The following SIN3B variants were observed in gnomAD, a reference collection of about 807,000 sequenced individuals.
The protein encoded by SIN3B is SIN3 transcription regulator family member B.
In SIN3B, 19 loss-of-function variants were observed where a neutral mutation model predicts 120.2. That is an observed-to-expected ratio of 0.16 (90% CI 0.11 to 0.23). The LOEUF (loss-of-function observed/expected upper bound fraction) is 0.23. Ranked by LOEUF, SIN3B falls within the 10% of genes least tolerant of loss-of-function variation. The pLI, the probability that SIN3B is intolerant of heterozygous loss-of-function variation, is 1.00. For synonymous variants in SIN3B, 654 were observed against 653.2 expected, an observed-to-expected ratio of 1.00 and a Z score of -0.02; for missense variants, 1,073 against 1,573.0, an observed-to-expected ratio of 0.68 and a Z score of 5.38.
chr19:16,856,240 G>A (rs1200292376), intron 8 of SIN3B, among the ~76,000 whole-genome samples: 1 of 152,112 alleles, frequency 6.6e-6, no homozygotes, highest in Non-Finnish European at 1.5e-5. Flanking sequence ...TCACAGGAGT[G>A]TGCGCGGTAG....
In SIN3B at chr19:16,876,904, G is replaced by A. The variant is rs745357529; in HGVS notation, c.2859+326G>A. 5.5e-5 allele frequency: 16 copies of A among 292,608 alleles called. No individual in the cohort carries two copies. The highest frequency in any genetic ancestry group is 9.0e-5 in the Non-Finnish European group (14 of 155,262). The allele number at this position is 292,608 out of a possible 1,614,324, so 18.1% of individuals were successfully genotyped here. ...CGTGGCTGTGACCTCTGCACCTCTT[G>A]TGTCAGGGCTGCATCCTGTTCCTAA... On this transcript the variant is annotated intron_variant, in intron 16 of 18. Coordinates refer to ENST00000248054, the MANE Select transcript of SIN3B (RefSeq NM_001297595.2). The surrounding 1 kb of genome is among the most constrained non-coding windows in gnomAD (Gnocchi z 7.1).
intron 8 of SIN3B, among the ~76,000 whole-genome samples, chr19:16,857,015 C>T (rs1418703627): frequency 6.6e-6 from 1 of 152,172 alleles, no homozygotes; most frequent in Admixed American, 6.5e-5. Flanking sequence ...CCCAAGATAA[C>T]TTTGCCATGA....
intron 9 of SIN3B, chr19:16,863,042 G>A: frequency 8.1e-7 from 1 of 1,231,304 alleles, no homozygotes; most frequent in South Asian, 1.2e-5. Context: ...AAGTTTTACT[G>A]TCACACAGAC....
At chr19:16,848,796 C>T (rs111981792) in intron 5 of SIN3B, among the ~76,000 whole-genome samples, 4,183 of 152,318 alleles carry the variant, frequency 0.027, 97 homozygotes, top group South Asian at 0.079. Flanking sequence ...CCACTGCGCC[C>T]GGCCTACTTT....
At chr19:16,853,300 C>T in intron 7 of SIN3B, 142 bp downstream of exon 7, 2 of 707,382 alleles carry the variant, frequency 2.8e-6, no homozygotes, top group East Asian at 2.7e-5. Context: ...GGCTGGCCCC[C>T]AGCTTTCACT....
At chr19:16,852,542 C>T (rs755807113) in intron 6 of SIN3B, among the ~76,000 whole-genome samples, 2 of 152,244 alleles carry the variant, frequency 1.3e-5, no homozygotes, top group Non-Finnish European at 2.9e-5. Flanking sequence ...TCCCTGCACC[C>T]AGCTCATCCT....
intron 14 of SIN3B, among the ~76,000 whole-genome samples, chr19:16,872,841 G>A (rs999607596): frequency 6.6e-6 from 1 of 152,222 alleles, no homozygotes; most frequent in Non-Finnish European, 1.5e-5. Flanking sequence ...GCGTCATTCT[G>A]TGAGATTCCT....
Position 16,829,819 on chromosome 19 carries a change from A to G in SIN3B, c.149A>G (p.Gln50Arg). ...HVEDALTYLD[Q>R]VKIRFGSDPA... ...GAAGACGCCCTCACCTATCTGGACC[A>G]GGTGAAGATCCGCTTTGGCAGCGAC... is the stretch of plus-strand genomic sequence containing the variant. Residue 50 changes from glutamine to arginine, a missense_variant, in exon 2 of 19, where the codon CAG becomes CGG. Around this residue, in one of 7 missense-constraint regions of SIN3B, gnomAD observed 395 missense variants for 528.0 expected, o/e 0.75. Coordinates refer to ENST00000248054, the MANE Select transcript of SIN3B (RefSeq NM_001297595.2). 1 of 1,613,494 alleles carries G rather than the reference A, an allele frequency of 6.2e-7. No homozygotes were observed. The highest frequency in any genetic ancestry group is 8.5e-7 in the Non-Finnish European group (1 of 1,179,698).
rs140033053 is a variant in SIN3B, at chr19:16,869,493, C to T, written c.1840C>T (p.Pro614Ser). 7.4e-6 allele frequency: 12 copies of T among 1,612,410 alleles called. No individual in the cohort carries two copies. In the African/African-American group the frequency reaches 8.0e-5, roughly 11 times the overall value. The change falls in exon 13 of 19, where the codon CCC becomes TCC. Residue 614 changes from proline to serine, a missense_variant. Around this residue, in one of 7 missense-constraint regions of SIN3B, gnomAD observed 169 missense variants for 207.3 expected, o/e 0.82. Transcript: ENST00000248054. ...GCAGCACTCGGAGGGCCGCAGTGCC[C>T]CCTCTAGCGAGCCGCACCTCATCTT... is the stretch of plus-strand genomic sequence containing the variant. Reference protein sequence around the residue: ...QEQHSEGRSAPSSEPHLIFVY... With the variant: ...QEQHSEGRSASSSEPHLIFVY...
At position 16,868,072 on chromosome 19, in the gene SIN3B, A is replaced by G. The variant is rs1215081545; in HGVS notation, c.1807-1388A>G. ...TGATGAATTCCAAAGTCAGAACCCC[A>G]TTCCATCACGTGATTTACAAAGCAT... On this transcript the variant is annotated intron_variant, in intron 12 of 18. Coordinates refer to ENST00000248054, the MANE Select transcript of SIN3B (RefSeq NM_001297595.2). 2.6e-5 allele frequency among the ~76,000 whole-genome samples: 4 copies of G among 152,190 alleles called. No individual in the cohort carries two copies. The East Asian group carries it at 7.7e-4, about 29-fold the overall frequency.
intron 3 of SIN3B, among the ~76,000 whole-genome samples, chr19:16,833,301 G>A (rs1314594321): frequency 6.6e-6 from 1 of 152,212 alleles, no homozygotes; most frequent in Admixed American, 6.5e-5. Flanking sequence ...ATGTGGCAGT[G>A]CTTTTGTATT....
intron 14 of SIN3B, among the ~76,000 whole-genome samples, chr19:16,875,204 G>A: frequency 7.5e-6 from 1 of 133,856 alleles, no homozygotes; most frequent in Non-Finnish European, 1.6e-5. Context: ...GTCTGGTCTG[G>A]TCTGTCTGGT....
Position 16,878,619 on chromosome 19 carries a change from G to A in SIN3B, c.3285G>A (p.Glu1095=). 1 of 1,613,286 alleles carries A rather than the reference G, an allele frequency of 6.2e-7. No individual in the cohort carries two copies. Among genetic ancestry groups the A allele is most frequent in the Non-Finnish European group, 8.5e-7 (1 of 1,179,692 alleles). Reference sequence around the variant, plus strand: ...TGCAGGACTGGCTGATGGGTGAGGAGGACGAGGACATGGTACCCTGCAAGA... The same window carrying A: ...TGCAGGACTGGCTGATGGGTGAGGAAGACGAGGACATGGTACCCTGCAAGA... ...SLVQDWLMGE[E]DEDMVPCKTL... The change falls in exon 19 of 19, where the codon GAG becomes GAA. Residue 1095 remains glutamate, a synonymous_variant. Transcript: ENST00000248054.
chr19:16,878,129 C>A, intron 17 of SIN3B, 54 bp from the exon 18 acceptor site: 1 of 1,429,326 alleles, frequency 7.0e-7, no homozygotes, highest in Non-Finnish European at 9.4e-7. Flanking sequence ...GCCTGCAAAT[C>A]CTCCTCCCAC....
chr19:16,869,956 G>T lies in SIN3B; in HGVS notation c.2303G>T (p.Arg768Leu). The change falls in exon 13 of 19, where the codon CGC becomes CTC. Residue 768 changes from arginine (R) to leucine (L), a missense_variant. By Grantham distance (102) the Arg-to-Leu change is moderately radical (BLOSUM62 -2). This residue lies in a region of SIN3B where 52 missense variants were observed against 68.8 expected (regional missense o/e 0.76). Coordinates refer to ENST00000248054, the MANE Select transcript of SIN3B (RefSeq NM_001297595.2). ...TLCSRLLKIY[R>L]QAQKQLLEYR... ...TGCTCCAGGCTGCTGAAGATCTACC[G>T]CCAGGCGCAGAAGCAGCTTCTGGAG... 3.7e-6 allele frequency: 6 copies of T among 1,614,210 alleles called. No homozygotes were observed. Among genetic ancestry groups the T allele is most frequent in the Non-Finnish European group, 5.1e-6 (6 of 1,180,040 alleles).
chr19:16,872,444 C>G (rs919595566), intron 14 of SIN3B: 1 of 151,530 alleles, frequency 6.6e-6, no homozygotes, highest in Non-Finnish European at 1.5e-5. Flanking sequence ...TTTTCTTCTT[C>G]TTCTTTTTTT....
chr19:16,855,121 C>G (rs1361264161), intron 8 of SIN3B: 1 of 152,158 alleles, frequency 6.6e-6, no homozygotes, highest in Non-Finnish European at 1.5e-5. Flanking sequence ...CCAGACTCTC[C>G]GTGTTCCTCA....
intron 3 of SIN3B, among the ~76,000 whole-genome samples, 200 bp from the exon 4 acceptor site, chr19:16,841,568 G>A (rs1971417065): frequency 6.6e-6 from 1 of 152,104 alleles, no homozygotes; most frequent in Non-Finnish European, 1.5e-5. Flanking sequence ...GGATCGGGTG[G>A]AGGTGAGCTG....
chr19:16,875,668 T>TTGGTCTGGTCTGGTC (rs200505405), intron 14 of SIN3B, among the ~76,000 whole-genome samples: 5 of 146,772 alleles, frequency 3.4e-5, no homozygotes, highest in African/African-American at 1.3e-4. Flanking sequence ...TCTGGTCTGT[T>TTGGTCTGGTCTGGTC]TGGTCTGGTC....
Sources: gnomAD v4.1 joint callset for allele counts (sites outside exome capture counted in the v4.1 genomes callset) on GRCh38, gnomAD v4.1.1 for gene constraint, gnomAD v4.1.1 regional missense constraint, Gnocchi (gnomAD v3.1) non-coding constraint, MANE v1.5 for transcripts, NCBI Gene and HGNC (gene_info 2026-07-23, HGNC 2026-07-21) for gene names.